The following MTRF1 variants were observed in gnomAD, a reference collection of about 807,000 sequenced individuals.
MTRF1 encodes mitochondrial translation release factor 1.
MTRF1 carries 51 observed loss-of-function variants against 62.9 expected under a neutral mutation model. The observed-to-expected ratio is 0.81, with a 90% CI of 0.65 to 1.02. MTRF1 has a LOEUF of 1.02. Among genes scored for constraint, MTRF1 ranks in the 50% least tolerant of loss-of-function variants. MTRF1 has a pLI of 0.00. For synonymous variants in MTRF1, 158 were observed against 181.9 expected (o/e 0.87, Z 1.06); for missense variants, 446 against 530.0 (o/e 0.84, Z 1.56).
intron 9 of MTRF1, chr13:41,220,428 G>A (rs1593539482): frequency 2.3e-6 from 1 of 434,398 alleles, no homozygotes; most frequent in East Asian, 7.4e-5. Context: ...AGATAAGGCT[G>A]ATGTCAAGAA....
At chr13:41,273,266 C>A in the MTRF1 span, among the ~76,000 whole-genome samples, 21 of 150,536 alleles carry the variant, frequency 1.4e-4, no homozygotes, top group South Asian at 2.1e-4. Context: ...GCGGAGGTTG[C>A]AGTGAGCCGA....
the MTRF1 span, among the ~76,000 whole-genome samples, chr13:41,293,555 G>A: frequency 7.2e-5 from 11 of 152,090 alleles, no homozygotes; most frequent in African/African-American, 2.7e-4. Flanking sequence ...CTAATTTAAT[G>A]TTACAGCCGT....
chr13:41,227,051 G>A lies in MTRF1; in HGVS notation c.989-483C>T, dbSNP rs746911611. On this transcript the variant is annotated intron_variant, in intron 7 of 9. Coordinates refer to ENST00000379480, the MANE Select transcript of MTRF1 (RefSeq NM_004294.4). ...CACACCTGTAATCCGAGGATTTTGG[G>A]AAGGCAAGGCGGGTGGATCACAAGG... is the stretch of plus-strand genomic sequence containing the variant. Among the ~76,000 whole-genome samples, 8 of 152,148 alleles carry A rather than the reference G, an allele frequency of 5.3e-5. 1 individual carries two copies. The highest frequency in any genetic ancestry group is 1.0e-4 in the Non-Finnish European group (7 of 68,040).
the MTRF1 span, among the ~76,000 whole-genome samples, chr13:41,273,348 A>C: frequency 2.0e-5 from 3 of 151,142 alleles, no homozygotes; most frequent in Non-Finnish European, 3.0e-5. Context: ...AAAAGTTTAG[A>C]GGCATCTTCA....
At chr13:41,283,178 A>G in the MTRF1 span, among the ~76,000 whole-genome samples, 3 of 152,212 alleles carry the variant, frequency 2.0e-5, no homozygotes, top group Non-Finnish European at 4.4e-5. Context: ...CTCTTCACAC[A>G]GTTCCAGACT....
intron 5 of MTRF1, among the ~76,000 whole-genome samples, chr13:41,249,860 C>T (rs888381714): frequency 9.2e-5 from 14 of 151,776 alleles, no homozygotes; most frequent in African/African-American, 2.7e-4. Flanking sequence ...ATGATCCACC[C>T]GCCTTGGTCT....
At chr13:41,271,794 A>G in the MTRF1 span, among the ~76,000 whole-genome samples, 1 of 152,116 alleles carries the variant, frequency 6.6e-6, no homozygotes, top group Admixed American at 6.5e-5. Context: ...TTTGGAACTG[A>G]GAAAACTCAG....
At chr13:41,303,462 ATTG>A in the MTRF1 span, among the ~76,000 whole-genome samples, 1 of 152,218 alleles carries the variant, frequency 6.6e-6, no homozygotes, top group Admixed American at 6.5e-5. Flanking sequence ...AACATGTTTT[ATTG>A]TTGTTGTTTA....
intron 7 of MTRF1, among the ~76,000 whole-genome samples, chr13:41,230,567 T>A (rs1593677028): frequency 1.3e-5 from 2 of 149,810 alleles, no homozygotes; most frequent in Admixed American, 1.3e-4. Flanking sequence ...CCGGGCCTTT[T>A]TTTTTTTTTT....
At chr13:41,297,577 C>CT in the MTRF1 span, among the ~76,000 whole-genome samples, 10,030 of 143,538 alleles carry the variant, frequency 0.07, 351 homozygotes, top group Non-Finnish European at 0.078. Context: ...CTTTTAATTG[C>CT]TTTTTTTTTT....
chr13:41,306,890 G>C, the MTRF1 span, among the ~76,000 whole-genome samples: 1 of 152,188 alleles, frequency 6.6e-6, no homozygotes, highest in African/African-American at 2.4e-5. Context: ...GCTTTGAAAT[G>C]ACTAAGCATT....
intron 7 of MTRF1, among the ~76,000 whole-genome samples, chr13:41,233,177 T>C (rs1481613222): frequency 6.6e-6 from 1 of 152,288 alleles, no homozygotes; most frequent in East Asian, 1.9e-4. Context: ...CTGAGGTAAT[T>C]ACCAGAAGAA....
the MTRF1 span, among the ~76,000 whole-genome samples, chr13:41,300,805 C>T: frequency 6.6e-6 from 1 of 152,158 alleles, no homozygotes; most frequent in African/African-American, 2.4e-5. Flanking sequence ...TATTGATTGG[C>T]TACACATTGT....
At chr13:41,295,982 G>T in the MTRF1 span, among the ~76,000 whole-genome samples, 1 of 151,728 alleles carries the variant, frequency 6.6e-6, no homozygotes, top group African/African-American at 2.4e-5. Context: ...ATAAGGTCTT[G>T]CTCTGTTGCC....
rs1239250714 is a variant in MTRF1, at chr13:41,240,372, A to C, written c.759T>G (p.Tyr253Ter). ...GCTGAACTCGGTGAATCCCACCCTC[A>C]TACTTCAAATGCTTATAGACACCGT... Reference protein sequence around the residue: ...SGDGVYKHLKYEGGIHRVQRI... With the variant: ...SGDGVYKHLK The change falls in exon 6 of 10, where the codon TAT becomes TAG. Residue 253 changes from tyrosine to a stop codon, truncating the protein, a stop_gained. Coordinates refer to ENST00000379480, the MANE Select transcript of MTRF1 (RefSeq NM_004294.4). LOFTEE classifies it high-confidence loss of function. The C allele has an allele frequency of 6.2e-7, 1 of 1,613,756 alleles. No homozygotes were observed. Among genetic ancestry groups the C allele is most frequent in the African/African-American group, 1.3e-5 (1 of 74,908 alleles).
chr13:41,237,109 T>C (rs1346727372), intron 6 of MTRF1, among the ~76,000 whole-genome samples: 3 of 149,898 alleles, frequency 2.0e-5, no homozygotes, highest in East Asian at 2.0e-4. Context: ...GTCCCAGCTA[T>C]TCAAAAGGTT....
chr13:41,281,933 G>A, the MTRF1 span, among the ~76,000 whole-genome samples: 6 of 151,972 alleles, frequency 3.9e-5, no homozygotes, highest in African/African-American at 7.3e-5. Flanking sequence ...TCAGGAGATC[G>A]AGACCATCCT....
intron 7 of MTRF1, among the ~76,000 whole-genome samples, chr13:41,233,311 A>G (rs1238752899): frequency 6.6e-6 from 1 of 152,318 alleles, no homozygotes; most frequent in African/African-American, 2.4e-5. Context: ...GGTGGGAACA[A>G]GTCCAGAGAG....
the MTRF1 span, among the ~76,000 whole-genome samples, chr13:41,289,356 G>C: frequency 2.0e-5 from 3 of 151,280 alleles, no homozygotes; most frequent in African/African-American, 7.3e-5. Context: ...TCCTGCCTCA[G>C]CCTCCCAGGT....
Sources: allele counts gnomAD v4.1 joint callset (sites outside exome capture counted in the v4.1 genomes callset), GRCh38; gene constraint gnomAD v4.1.1; transcripts MANE v1.5; gene names NCBI Gene and HGNC (gene_info 2026-07-23, HGNC 2026-07-21).